LUZP2: variants seen among roughly 807,000 people sequenced by gnomAD.
LUZP2 encodes the protein leucine zipper protein 2.
Under a neutral mutation model 51.6 loss-of-function variants are expected in LUZP2, and 52 were observed. That is an observed-to-expected ratio of 1.01 (90% CI 0.81 to 1.27). The LOEUF (loss-of-function observed/expected upper bound fraction) is 1.27. Ranked by LOEUF, LUZP2 falls within the 50% of genes most tolerant of loss-of-function variation. The pLI is 0.00. For synonymous variants in LUZP2, 154 were observed against 137.3 expected, an observed-to-expected ratio of 1.12 and a Z score of -0.85; for missense variants, 436 against 395.4, an observed-to-expected ratio of 1.10 and a Z score of -0.87.
intron 5 of LUZP2, among the ~76,000 whole-genome samples, chr11:24,867,632 C>G (rs1038259190): frequency 1.3e-5 from 2 of 152,110 alleles, no homozygotes; most frequent in Non-Finnish European, 2.9e-5. Context: ...TCCTATGAAA[C>G]AGGGTCTCAC....
intron 1 of LUZP2, among the ~76,000 whole-genome samples, chr11:24,563,300 T>C (rs1590184121): frequency 6.6e-6 from 1 of 152,272 alleles, no homozygotes; most frequent in East Asian, 1.9e-4. Context: ...TTTCTTTCCA[T>C]GAAAAAGGAC....
intron 9 of LUZP2, among the ~76,000 whole-genome samples, chr11:25,010,774 G>A (rs983860314): frequency 2.6e-5 from 4 of 152,122 alleles, no homozygotes; most frequent in Non-Finnish European, 4.4e-5. Context: ...TTGAACTCGG[G>A]AAGGGGAGGT....
intron 9 of LUZP2, among the ~76,000 whole-genome samples, chr11:25,032,789 T>C (rs910397503): frequency 8.5e-5 from 13 of 152,172 alleles, no homozygotes; most frequent in African/African-American, 2.4e-4. Flanking sequence ...CCATAGTTTG[T>C]TGCAAGGGGG....
chr11:24,805,340 T>C (rs1038620666), intron 5 of LUZP2, among the ~76,000 whole-genome samples: 1 of 151,990 alleles, frequency 6.6e-6, no homozygotes, highest in African/African-American at 2.4e-5. Flanking sequence ...CCACAACAAA[T>C]GGGAACTGTG....
chr11:24,976,035 G>A (rs34507096), intron 7 of LUZP2, among the ~76,000 whole-genome samples: 73,101 of 151,674 alleles, frequency 0.48, 18,030 homozygotes, highest in Non-Finnish European at 0.51. Flanking sequence ...TGTAGTCAGT[G>A]CCTTCTCTGT....
At chr11:24,954,890 A>G (rs945469551) in intron 7 of LUZP2, among the ~76,000 whole-genome samples, 6 of 152,080 alleles carry the variant, frequency 3.9e-5, no homozygotes, top group African/African-American at 1.2e-4. Flanking sequence ...TAGCATTTCA[A>G]CTAGGATCTG....
intron 1 of LUZP2, among the ~76,000 whole-genome samples, chr11:24,686,188 C>T (rs945660004): frequency 6.8e-6 from 1 of 147,286 alleles, no homozygotes; most frequent in African/African-American, 2.5e-5. Context: ...TGTAGTCATG[C>T]TTTTGATAGA....
rs948343444 is a variant in LUZP2 at position 24,983,422 on chromosome 11, T to C, written c.765+129T>C. The C allele has an allele frequency of 9.7e-6, 9 of 927,976 alleles. No homozygotes were observed. The South Asian group carries it at 1.6e-4, about 17-fold the overall frequency. The allele number at this position is 927,976 out of a possible 1,614,324, so 57.5% of individuals were successfully genotyped here. On this transcript the variant is annotated intron_variant, in intron 9 of 11. Coordinates refer to ENST00000336930, the MANE Select transcript of LUZP2 (RefSeq NM_001009909.4). Reference sequence around the variant, plus strand: ...ATCCATTGAAAGATTAGGAGGAAAATGGAAGGTAGTAACCCAGCTTGTAAA... The same window carrying C: ...ATCCATTGAAAGATTAGGAGGAAAACGGAAGGTAGTAACCCAGCTTGTAAA...
chr11:24,597,529 G>A (rs1397782971), intron 1 of LUZP2, among the ~76,000 whole-genome samples: 2 of 152,170 alleles, frequency 1.3e-5, no homozygotes, highest in Non-Finnish European at 2.9e-5. Flanking sequence ...AATGTAATCA[G>A]ATTTTTGAAA....
chr11:24,859,430 A>T (rs954651854), intron 5 of LUZP2, among the ~76,000 whole-genome samples: 3 of 152,158 alleles, frequency 2.0e-5, no homozygotes, highest in Non-Finnish European at 2.9e-5. Flanking sequence ...TAAATGTAAG[A>T]CCTAAAACTA....
At chr11:25,019,633 C>T (rs77088955) in intron 9 of LUZP2, among the ~76,000 whole-genome samples, 2,735 of 152,114 alleles carry the variant, frequency 0.018, 43 homozygotes, top group South Asian at 0.085. Flanking sequence ...CTCATTGATC[C>T]GTTCAACTCA....
chr11:24,863,724 T>A (rs1851806239), intron 5 of LUZP2, among the ~76,000 whole-genome samples: 1 of 152,140 alleles, frequency 6.6e-6, no homozygotes, highest in Non-Finnish European at 1.5e-5. Context: ...TGCATCTAAA[T>A]AAAGCTGTTA....
At chr11:25,063,964 C>A (rs182357815) in intron 10 of LUZP2, among the ~76,000 whole-genome samples, 1 of 151,776 alleles carries the variant, frequency 6.6e-6, no homozygotes, top group East Asian at 1.9e-4. Context: ...GAATGCAGAT[C>A]CTGCACTTCT....
chr11:24,928,279 A>T (rs1407013276), intron 7 of LUZP2, among the ~76,000 whole-genome samples: 2 of 152,068 alleles, frequency 1.3e-5, no homozygotes, highest in African/African-American at 4.8e-5. Flanking sequence ...TATGTTCAGT[A>T]GAAATGGGGA....
At chr11:24,724,580 A>G (rs1858403676) in intron 1 of LUZP2, among the ~76,000 whole-genome samples, 1 of 152,206 alleles carries the variant, frequency 6.6e-6, no homozygotes, top group African/African-American at 2.4e-5. Flanking sequence ...CAAAAAATCA[A>G]TCAATCAATT....
At chr11:24,540,869 A>G (rs2133716210) in intron 1 of LUZP2, among the ~76,000 whole-genome samples, 1 of 151,832 alleles carries the variant, frequency 6.6e-6, no homozygotes, top group African/African-American at 2.4e-5. Context: ...ATAACACAAA[A>G]CAAAAAAAAA....
At chr11:24,927,327 T>C (rs1854308922) in intron 7 of LUZP2, among the ~76,000 whole-genome samples, 2 of 152,082 alleles carry the variant, frequency 1.3e-5, no homozygotes, top group Non-Finnish European at 2.9e-5. Context: ...TCATGAAGTC[T>C]TTGCCTAAGC....
At chr11:24,813,517 G>A (rs1301223213) in intron 5 of LUZP2, among the ~76,000 whole-genome samples, 2 of 152,144 alleles carry the variant, frequency 1.3e-5, no homozygotes, top group African/African-American at 4.8e-5. Flanking sequence ...GAGAGAAAAA[G>A]GGAGTCAGGG....
intron 5 of LUZP2, among the ~76,000 whole-genome samples, chr11:24,831,059 T>C (rs1850689201): frequency 6.6e-6 from 1 of 152,230 alleles, no homozygotes; most frequent in Non-Finnish European, 1.5e-5. Flanking sequence ...AGAGTCAAAC[T>C]CAAGAGTTCT....
Sources: allele counts gnomAD v4.1 joint callset (sites outside exome capture counted in the v4.1 genomes callset), GRCh38; gene constraint gnomAD v4.1.1; transcripts MANE v1.5; gene names NCBI Gene and HGNC (gene_info 2026-07-23, HGNC 2026-07-21).